The following UBL3 variants were observed in gnomAD, a reference collection of about 807,000 sequenced individuals.
UBL3 encodes the protein ubiquitin like 3.
In UBL3, 6 loss-of-function variants were observed where a neutral mutation model predicts 18.4. The observed-to-expected ratio is 0.33, with a 90% confidence interval of 0.18 to 0.64. UBL3 has a LOEUF of 0.64. UBL3 is among the 30% of genes least tolerant of loss of function. The pLI, the probability that UBL3 is intolerant of heterozygous loss-of-function variation, is 0.76. For missense variants in UBL3, 109 were observed against 142.9 expected, an observed-to-expected ratio of 0.76 and a Z score of 1.21; for synonymous variants, 49 against 46.6, an observed-to-expected ratio of 1.05 and a Z score of -0.21.
intron 1 of UBL3, among the ~76,000 whole-genome samples, chr13:29,806,210 A>C (rs1396343641): frequency 6.6e-6 from 1 of 152,106 alleles, no homozygotes. Context: ...AACCCCACAA[A>C]GTAGTATCTT....
intron 1 of UBL3, among the ~76,000 whole-genome samples, chr13:29,828,539 G>A (rs1593671943): frequency 1.3e-5 from 2 of 152,026 alleles, no homozygotes; most frequent in Admixed American, 1.3e-4. Context: ...GGTCATTTAA[G>A]GACTTCTCTA....
At chr13:29,828,112 A>AT (rs889994957) in intron 1 of UBL3, among the ~76,000 whole-genome samples, 4 of 151,688 alleles carry the variant, frequency 2.6e-5, no homozygotes, top group African/African-American at 9.7e-5. Context: ...TGCCCTTAAC[A>AT]TTTTTTCCTT....
rs1877020921 is a variant in UBL3, at chr13:29,777,176, C to T, written c.115G>A (p.Val39Ile). ...NDSASDIAKH[V>I]YDNWPMDWEE... ...TCACCCATTGGCCAATTGTCATATA[C>T]ATGCTTTGCAATGTCAGAAGCAGAA... The change falls in exon 2 of 5, where the codon GTA (valine) becomes ATA (isoleucine). Residue 39 changes from valine (V) to isoleucine (I), a missense_variant. Transcript: ENST00000380680. 1 of 1,605,576 alleles carries T rather than the reference C, an allele frequency of 6.2e-7. No homozygotes were observed. The highest frequency in any genetic ancestry group is 8.5e-7 in the Non-Finnish European group (1 of 1,175,856).
In UBL3 at chr13:29,850,042, C is replaced by CG. The variant is rs1278989784; in HGVS notation, c.-505dup. On this transcript the variant is annotated 5_prime_UTR_variant, in exon 1 of 5. Transcript: ENST00000380680. ...GCGTGAGCCTTGAGTGGCGGCCGAGCGGTGGCCGGACGCTGGCCGCGGACC... is the reference window on the plus strand; with the variant it reads ...GCGTGAGCCTTGAGTGGCGGCCGAGCGGGTGGCCGGACGCTGGCCGCGGACC... 6.5e-6 allele frequency: 1 copy of CG among 153,768 alleles called. No homozygotes were observed. The highest frequency in any genetic ancestry group is 1.4e-5 in the Non-Finnish European group (1 of 69,012). The allele number at this position is 153,768 out of a possible 1,614,324, so 9.5% of individuals were successfully genotyped here.
chr13:29,801,468 C>T (rs1356709246), intron 1 of UBL3, among the ~76,000 whole-genome samples: 1 of 152,134 alleles, frequency 6.6e-6, no homozygotes, highest in Admixed American at 6.5e-5. Context: ...AGCTCAGCTT[C>T]TTCTCATTAT....
At chr13:29,814,318 G>A (rs988003047) in intron 1 of UBL3, among the ~76,000 whole-genome samples, 4 of 151,894 alleles carry the variant, frequency 2.6e-5, no homozygotes, top group East Asian at 3.9e-4. Flanking sequence ...GCTTACAGAC[G>A]TTCTCAAGGA....
chr13:29,779,646 G>A (rs745836139), intron 1 of UBL3, among the ~76,000 whole-genome samples: 25 of 152,254 alleles, frequency 1.6e-4, no homozygotes, highest in Non-Finnish European at 3.4e-4. Context: ...CCTTACCATG[G>A]AAATCCATGC....
chr13:29,823,828 G>T (rs1224280089), intron 1 of UBL3, among the ~76,000 whole-genome samples: 1 of 151,750 alleles, frequency 6.6e-6, no homozygotes, highest in African/African-American at 2.4e-5. Flanking sequence ...ATTTACATTA[G>T]GTGTATCTCC....
intron 1 of UBL3, among the ~76,000 whole-genome samples, chr13:29,825,390 T>A (rs1878589369): frequency 6.6e-6 from 1 of 152,226 alleles, no homozygotes; most frequent in South Asian, 2.1e-4. Flanking sequence ...AGCAGTGGTT[T>A]GTAGTTCTCC....
intron 1 of UBL3, among the ~76,000 whole-genome samples, chr13:29,838,686 CTGTT>C (rs1352458599): frequency 1.1e-4 from 17 of 152,084 alleles, no homozygotes; most frequent in African/African-American, 4.8e-5. Context: ...ATATGGGAAA[CTGTT>C]TGATTAATCC....
intron 1 of UBL3, among the ~76,000 whole-genome samples, chr13:29,812,219 A>C (rs1210346910): frequency 6.6e-6 from 1 of 152,056 alleles, no homozygotes; most frequent in East Asian, 1.9e-4. Flanking sequence ...AAATCAGCAC[A>C]GGGTTTAGCC....
rs184297251 is a variant in UBL3 at position 29,798,269 on chromosome 13, G to A, written c.28-21006C>T. ...TCAAACTCCTGACCTCAGGTGATCC[G>A]ACCACCTCAGCCTCCCAAAGTGTTG... is the stretch of plus-strand genomic sequence containing the variant. On this transcript the variant is annotated intron_variant, in intron 1 of 4. Transcript: ENST00000380680. 5.9e-5 allele frequency among the ~76,000 whole-genome samples: 9 copies of A among 152,000 alleles called. No individual in the cohort carries two copies. The East Asian group carries it at 1.2e-3, about 20-fold the overall frequency.
At position 29,850,392 on chromosome 13, in the gene UBL3, C is replaced by A; in HGVS notation, c.-854G>T. The A allele has an allele frequency of 6.5e-6, 1 of 153,608 alleles. No homozygotes were observed. The highest frequency in any genetic ancestry group is 1.8e-4 in the South Asian group (1 of 5,686). 9.5% of individuals were successfully genotyped at this position (153,608 alleles called of 1,614,324 possible). On this transcript the variant is annotated 5_prime_UTR_variant, in exon 1 of 5. Coordinates refer to ENST00000380680, the MANE Select transcript of UBL3 (RefSeq NM_007106.4). ...CTCCCCGGTCTCCGCCTTCCCTTCC[C>A]CTCCCCTCCCCGGCCTCGCGAGCTC... is the stretch of plus-strand genomic sequence containing the variant.
intron 1 of UBL3, among the ~76,000 whole-genome samples, chr13:29,798,100 G>A (rs562068945): frequency 2.0e-5 from 3 of 151,460 alleles, no homozygotes; most frequent in East Asian, 3.9e-4. Context: ...ATCTTGGCTC[G>A]CTGCAACCTC....
At chr13:29,840,767 G>A (rs1354845514) in intron 1 of UBL3, among the ~76,000 whole-genome samples, 1 of 152,130 alleles carries the variant, frequency 6.6e-6, no homozygotes, top group African/African-American at 2.4e-5. Flanking sequence ...ACAAGGCACA[G>A]AGATATGTTT....
intron 4 of UBL3, 78 bp from the exon 5 acceptor site, chr13:29,767,385 G>A (rs1876717502): frequency 4.6e-6 from 7 of 1,520,498 alleles, no homozygotes; most frequent in Non-Finnish European, 6.3e-6. Context: ...ATCAAGTGTA[G>A]GAAGTAGTAG....
At chr13:29,834,902 A>T (rs1208031438) in intron 1 of UBL3, among the ~76,000 whole-genome samples, 4 of 151,094 alleles carry the variant, frequency 2.6e-5, no homozygotes, top group Non-Finnish European at 5.9e-5. Context: ...AGTAGCACCT[A>T]CCTACCTGAC....
rs74044716 is a variant in UBL3, at chr13:29,797,372, G to A, written c.28-20109C>T. On this transcript the variant is annotated intron_variant, in intron 1 of 4. Coordinates refer to ENST00000380680, the MANE Select transcript of UBL3 (RefSeq NM_007106.4). ...TACAGACAGAATCTTAGAATTATAG[G>A]AATTTAATGTCTCTATACAATATTT... 2.3e-3 allele frequency among the ~76,000 whole-genome samples: 350 copies of A among 152,222 alleles called. 3 individuals carry two copies. Among genetic ancestry groups the A allele is most frequent in the African/African-American group, 8.3e-3 (345 of 41,522 alleles).
At chr13:29,773,811 T>C (rs1210149917) in intron 2 of UBL3, among the ~76,000 whole-genome samples, 4 of 152,178 alleles carry the variant, frequency 2.6e-5, no homozygotes, top group African/African-American at 9.6e-5. Flanking sequence ...ATAATAGCTA[T>C]GTGTCTGACT....
Sources: gnomAD v4.1 joint callset for allele counts (sites outside exome capture counted in the v4.1 genomes callset) on GRCh38, gnomAD v4.1.1 for gene constraint, MANE v1.5 for transcripts, NCBI Gene and HGNC (gene_info 2026-07-23, HGNC 2026-07-21) for gene names.